CACNG3: variants seen among roughly 807,000 people sequenced by gnomAD.
CACNG3 encodes calcium voltage-gated channel auxiliary subunit gamma 3, also known as voltage-dependent calcium channel gamma-3 subunit.
In CACNG3, 3 loss-of-function variants were observed where a neutral mutation model predicts 28.5. That is an observed-to-expected ratio of 0.11 (90% CI 0.05 to 0.27). The LOEUF (loss-of-function observed/expected upper bound fraction) is 0.27, where lower values mean the gene tolerates loss of function less well. Among genes scored for constraint, CACNG3 ranks in the 10% least tolerant of loss-of-function variants. The pLI is 1.00. For synonymous variants in CACNG3, 174 were observed against 162.2 expected (o/e 1.07, Z -0.55); for missense variants, 236 against 414.4 (o/e 0.57, Z 3.74).
chr16:24,259,178 T>A (rs954752618), intron 1 of CACNG3, among the ~76,000 whole-genome samples: 6 of 152,250 alleles, frequency 3.9e-5, no homozygotes, highest in Admixed American at 2.0e-4. Context: ...TTGTTGTTGT[T>A]CACTTTTTTG....
At chr16:24,317,592 AAG>A (rs1488106789) in intron 1 of CACNG3, among the ~76,000 whole-genome samples, 1 of 69,592 alleles carries the variant, frequency 1.4e-5, no homozygotes, top group East Asian at 3.9e-4. Context: ...GAAAGAAAGA[AAG>A]AAAGAAAGAA....
chr16:24,300,675 C>A (rs952970493), intron 1 of CACNG3, among the ~76,000 whole-genome samples: 3 of 151,142 alleles, frequency 2.0e-5, no homozygotes, highest in African/African-American at 7.3e-5. Flanking sequence ...GTAATCCCAG[C>A]ACTTTGGGAG....
At chr16:24,316,873 C>T (rs1899359020) in intron 1 of CACNG3, among the ~76,000 whole-genome samples, 2 of 152,204 alleles carry the variant, frequency 1.3e-5, no homozygotes, top group Non-Finnish European at 2.9e-5. Flanking sequence ...GACCTTTGTT[C>T]AAATTCCAGC....
intron 1 of CACNG3, among the ~76,000 whole-genome samples, chr16:24,286,140 A>G (rs1403393996): frequency 6.6e-6 from 1 of 152,044 alleles, no homozygotes; most frequent in African/African-American, 2.4e-5. Flanking sequence ...GAATCACTTC[A>G]GTTTATTCAA....
intron 1 of CACNG3, 53 bp downstream of exon 1, chr16:24,257,018 G>A: frequency 8.7e-7 from 1 of 1,148,874 alleles, no homozygotes; most frequent in Non-Finnish European, 1.3e-6. Context: ...TGATATTCTG[G>A]TGGGTGTTTG....
intron 1 of CACNG3, among the ~76,000 whole-genome samples, chr16:24,335,686 C>A (rs1899693513): frequency 6.6e-6 from 1 of 152,130 alleles, no homozygotes; most frequent in African/African-American, 2.4e-5. Flanking sequence ...AACAATAGTG[C>A]CTGCTTCATG....
intron 1 of CACNG3, among the ~76,000 whole-genome samples, chr16:24,273,271 T>C (rs1241475485): frequency 6.6e-6 from 1 of 152,214 alleles, no homozygotes; most frequent in Non-Finnish European, 1.5e-5. Flanking sequence ...CCCTACATAA[T>C]ATGTTCATCC....
chr16:24,324,609 A>G (rs2050310782), intron 1 of CACNG3, among the ~76,000 whole-genome samples: 1 of 152,062 alleles, frequency 6.6e-6, no homozygotes, highest in African/African-American at 2.4e-5. Context: ...AGCCTGAGGG[A>G]CCATTTACAA....
chr16:24,361,659 C>A lies in CACNG3; in HGVS notation c.744C>A (p.Ser248=), dbSNP rs772502664. The A allele has an allele frequency of 2.5e-6, 4 of 1,613,968 alleles. No individual in the cohort carries two copies. In the South Asian group the frequency reaches 4.4e-5, roughly 18 times the overall value. Residue 248 remains serine, a synonymous_variant, in exon 4 of 4, where the codon TCC becomes TCA. Transcript: ENST00000005284. The surrounding 1 kb of genome is among the most constrained non-coding windows in gnomAD (Gnocchi z 6.8). ...CCGAGCCCAGATCCCGAGACCTGTC[C>A]CCCATCAGCAAAGGCTTCCACACCA... The part of the protein sequence containing the change: ...RSTEPRSRDL[S]PISKGFHTIP...
chr16:24,286,271 A>G (rs751008879), intron 1 of CACNG3, among the ~76,000 whole-genome samples: 2 of 152,066 alleles, frequency 1.3e-5, no homozygotes, highest in African/African-American at 2.4e-5. Flanking sequence ...TTTTCTGGCT[A>G]GATTACCAAA....
intron 1 of CACNG3, among the ~76,000 whole-genome samples, chr16:24,258,533 T>C (rs1466328428): frequency 6.6e-6 from 1 of 152,222 alleles, no homozygotes; most frequent in Non-Finnish European, 1.5e-5. Context: ...TTATACTGTA[T>C]TCAATATACT....
intron 3 of CACNG3, among the ~76,000 whole-genome samples, chr16:24,360,128 TAGCACCACCCTAC>T (rs1900086655): frequency 6.6e-6 from 1 of 152,198 alleles, no homozygotes; most frequent in Admixed American, 6.5e-5. Flanking sequence ...AACCTCCATT[TAGCACCACCCTAC>T]AGGTAGCCTA....
At chr16:24,344,336 G>A (rs1472701753) in intron 1 of CACNG3, among the ~76,000 whole-genome samples, 1 of 151,914 alleles carries the variant, frequency 6.6e-6, no homozygotes, top group South Asian at 2.1e-4. Flanking sequence ...TTGAACCTGG[G>A]AGGTGGAGGT....
rs1043060171 is a variant in CACNG3, at chr16:24,330,706, T to C, written c.212-16028T>C. Reference sequence around the variant, plus strand: ...ACCTCTGAAAGAGAGATGTCACCAGTTAAAAAGCAGCTAAGACCCAGGACA... The same window carrying C: ...ACCTCTGAAAGAGAGATGTCACCAGCTAAAAAGCAGCTAAGACCCAGGACA... On this transcript the variant is annotated intron_variant, in intron 1 of 3. Coordinates refer to ENST00000005284, the MANE Select transcript of CACNG3 (RefSeq NM_006539.4). Among the ~76,000 whole-genome samples, 27 of 152,298 alleles carry C rather than the reference T, an allele frequency of 1.8e-4. 1 individual carries two copies. Among genetic ancestry groups the C allele is most frequent in the South Asian group, 1.0e-3 (5 of 4,814 alleles).
intron 1 of CACNG3, among the ~76,000 whole-genome samples, chr16:24,344,158 G>A (rs906124799): frequency 2.0e-5 from 3 of 151,972 alleles, no homozygotes; most frequent in Non-Finnish European, 2.9e-5. Flanking sequence ...GTGGCCAGGC[G>A]CAGTGGCTCA....
chr16:24,275,077 T>C (rs564084767), intron 1 of CACNG3, among the ~76,000 whole-genome samples: 1 of 152,146 alleles, frequency 6.6e-6, no homozygotes, highest in African/African-American at 2.4e-5. Context: ...TAATAAGATA[T>C]GGCTGGGCAA....
intron 1 of CACNG3, among the ~76,000 whole-genome samples, chr16:24,312,864 AGAAG>A (rs1899282277): frequency 6.6e-6 from 1 of 151,146 alleles, no homozygotes; most frequent in Non-Finnish European, 1.5e-5. Context: ...AAAGAAAGAA[AGAAG>A]GAAGGAAAGA....
chr16:24,359,417 A>G (rs1196210389), intron 3 of CACNG3, among the ~76,000 whole-genome samples: 4 of 152,112 alleles, frequency 2.6e-5, no homozygotes, highest in Non-Finnish European at 5.9e-5. Context: ...GTCAAACCCC[A>G]TAATAAGAAA....
At chr16:24,349,206 G>C (rs1473921845) in intron 2 of CACNG3, among the ~76,000 whole-genome samples, 1 of 151,712 alleles carries the variant, frequency 6.6e-6, no homozygotes, top group East Asian at 1.9e-4. Flanking sequence ...TCTGCATATC[G>C]ACTTTTCTGT....
Sources: allele counts gnomAD v4.1 joint callset (sites outside exome capture counted in the v4.1 genomes callset), GRCh38; gene constraint gnomAD v4.1.1; non-coding constraint Gnocchi (gnomAD v3.1); transcripts MANE v1.5; gene names NCBI Gene and HGNC (gene_info 2026-07-23, HGNC 2026-07-21).